Variants in CSNK1G1 observed in about 807,000 individuals in gnomAD.
CSNK1G1 encodes the protein casein kinase 1 gamma 1, also known as casein kinase I isoform gamma-1.
In CSNK1G1, 22 loss-of-function variants were observed where a neutral mutation model predicts 59.6. The ratio of observed to expected loss-of-function variants is 0.37; its 90% CI spans 0.26 to 0.53. CSNK1G1 has a LOEUF of 0.53. Among genes scored for constraint, CSNK1G1 ranks in the 20% least tolerant of loss-of-function variants. The pLI, the probability that CSNK1G1 is intolerant of heterozygous loss-of-function variation, is 0.89. For missense variants in CSNK1G1, 384 were observed against 519.5 expected (o/e 0.74, Z 2.54); for synonymous variants, 179 against 177.1 (o/e 1.01, Z -0.08).
At chr15:64,263,820 A>G (rs7179208) in intron 2 of CSNK1G1, among the ~76,000 whole-genome samples, 1 of 107,980 alleles carries the variant, frequency 9.3e-6, no homozygotes, top group East Asian at 3.1e-4. Context: ...CTTTTTGTTT[A>G]CCAAAAAAAA....
At chr15:64,354,629 G>A (rs1256362727) in intron 1 of CSNK1G1, among the ~76,000 whole-genome samples, 1 of 151,570 alleles carries the variant, frequency 6.6e-6, no homozygotes, top group African/African-American at 2.4e-5. Flanking sequence ...AAAATTATCC[G>A]GTTGCTTTCC....
chr15:64,185,456 T>C (rs949481422), intron 10 of CSNK1G1, among the ~76,000 whole-genome samples: 6 of 152,250 alleles, frequency 3.9e-5, no homozygotes, highest in African/African-American at 1.2e-4. Flanking sequence ...TGTAACTGCC[T>C]GTCCTCTATC....
intron 4 of CSNK1G1, among the ~76,000 whole-genome samples, chr15:64,227,324 C>G (rs917302372): frequency 6.6e-6 from 1 of 152,192 alleles, no homozygotes; most frequent in African/African-American, 2.4e-5. Context: ...TTCAGAGTTG[C>G]AATATTTCTA....
Position 64,259,368 on chromosome 15 carries a change from T to G in CSNK1G1, c.182-127A>C. ...TGCTGTTCACATAAATGAAACTTGA[T>G]TTATAAGCGAAAAGCTACAGAGATA... On this transcript the variant is annotated intron_variant, in intron 2 of 11. Coordinates refer to ENST00000303052, the MANE Select transcript of CSNK1G1 (RefSeq NM_022048.5). 3 of 636,812 alleles carry G rather than the reference T, an allele frequency of 4.7e-6. No individual in the cohort carries two copies. The Admixed American group carries it at 1.0e-4, about 22-fold the overall frequency. 39.4% of individuals were successfully genotyped at this position (636,812 alleles called of 1,614,324 possible).
At position 64,273,056 on chromosome 15, in the gene CSNK1G1, T is replaced by C. The variant is rs145156592; in HGVS notation, c.182-13815A>G. On this transcript the variant is annotated intron_variant, in intron 2 of 11. Transcript: ENST00000303052. ...ACTGTAAAATTAGTTTCTTTATACA[T>C]GGTTTCACTTAAAATCACAGTGTCC... is the stretch of plus-strand genomic sequence containing the variant. Among the ~76,000 whole-genome samples, 722 of 152,334 alleles carry C rather than the reference T, an allele frequency of 4.7e-3. 6 individuals carry two copies. The highest frequency in any genetic ancestry group is 0.016 in the African/African-American group (672 of 41,576).
chr15:64,219,777 C>CA (rs1555500865), intron 4 of CSNK1G1, among the ~76,000 whole-genome samples: 2 of 136,304 alleles, frequency 1.5e-5, no homozygotes, highest in East Asian at 2.1e-4. Context: ...CTTTTCTTTT[C>CA]TTTTTTTTTT....
At position 64,331,629 on chromosome 15, in the gene CSNK1G1, T is replaced by C. The variant is rs941038721; in HGVS notation, c.-225+24359A>G. On this transcript the variant is annotated intron_variant, in intron 1 of 11. Transcript: ENST00000303052. ...GACATAGGCATGGGCAAGGACTTCA[T>C]GTCCAAAACACCAAAAGCAATGGCA... is the stretch of plus-strand genomic sequence containing the variant. 2.4e-5 allele frequency among the ~76,000 whole-genome samples: 3 copies of C among 125,384 alleles called. No homozygotes were observed. In the East Asian group the frequency reaches 7.0e-4, roughly 29 times the overall value. 82.3% of individuals were successfully genotyped at this position (125,384 alleles called of 152,430 possible). A position where few individuals can be genotyped will look rare whatever the true frequency, so the allele number is the denominator to read the frequency against.
chr15:64,256,301 A>T (rs1892368989), intron 3 of CSNK1G1, among the ~76,000 whole-genome samples: 1 of 152,228 alleles, frequency 6.6e-6, no homozygotes, highest in Non-Finnish European at 1.5e-5. Flanking sequence ...TTCCTCAAAT[A>T]TTATACTCTC....
chr15:64,254,886 C>T (rs138585126), intron 3 of CSNK1G1, among the ~76,000 whole-genome samples: 2 of 152,248 alleles, frequency 1.3e-5, no homozygotes, highest in Non-Finnish European at 2.9e-5. Flanking sequence ...TGTCATGAAG[C>T]TTTTCCCATG....
At chr15:64,185,550 A>C (rs2081881004) in intron 10 of CSNK1G1, among the ~76,000 whole-genome samples, 1 of 152,180 alleles carries the variant, frequency 6.6e-6, no homozygotes, top group African/African-American at 2.4e-5. Context: ...AAGACACCTC[A>C]GTTGGATCCA....
chr15:64,317,530 C>T (rs1387383982), intron 1 of CSNK1G1, among the ~76,000 whole-genome samples: 39 of 140,586 alleles, frequency 2.8e-4, no homozygotes, highest in Non-Finnish European at 3.1e-4. Flanking sequence ...TAAGGTTTCT[C>T]TTTTTTTTTT....
At chr15:64,273,436 AAT>A (rs1237858649) in intron 2 of CSNK1G1, among the ~76,000 whole-genome samples, 2 of 152,224 alleles carry the variant, frequency 1.3e-5, no homozygotes, top group Non-Finnish European at 2.9e-5. Flanking sequence ...AAGATGATAG[AAT>A]ATGTGTAAAT....
intron 4 of CSNK1G1, among the ~76,000 whole-genome samples, chr15:64,231,698 C>T (rs1330230858): frequency 6.6e-6 from 1 of 152,058 alleles, no homozygotes; most frequent in Non-Finnish European, 1.5e-5. Flanking sequence ...CAGCCCCATA[C>T]ATGCCACTCT....
intron 1 of CSNK1G1, among the ~76,000 whole-genome samples, chr15:64,326,822 G>A (rs949679684): frequency 6.8e-6 from 1 of 147,312 alleles, no homozygotes; most frequent in African/African-American, 2.7e-5. Context: ...TGCGCGCACC[G>A]TGCGCGAGCC....
intron 1 of CSNK1G1, among the ~76,000 whole-genome samples, chr15:64,309,954 CT>C (rs11459169): frequency 2.0e-4 from 30 of 148,680 alleles, no homozygotes; most frequent in African/African-American, 6.6e-4. Context: ...TACAAACAGA[CT>C]TTTTTTTTTT....
intron 11 of CSNK1G1, among the ~76,000 whole-genome samples, chr15:64,175,126 C>T (rs1381662023): frequency 1.3e-5 from 2 of 151,574 alleles, no homozygotes; most frequent in East Asian, 1.9e-4. Context: ...ACCACAATGT[C>T]GGATTACACA....
At chr15:64,312,642 C>T (rs1305675137) in intron 1 of CSNK1G1, among the ~76,000 whole-genome samples, 2 of 152,076 alleles carry the variant, frequency 1.3e-5, no homozygotes, top group East Asian at 3.8e-4. Flanking sequence ...GACCTAAAGC[C>T]ATAAAAATCC....
In CSNK1G1 at chr15:64,199,582, C is replaced by T. The variant is rs534783678; in HGVS notation, c.1107+3500G>A. Among the ~76,000 whole-genome samples, 726 of 152,226 alleles carry T rather than the reference C, an allele frequency of 4.8e-3. 4 individuals carry two copies. The highest frequency in any genetic ancestry group is 7.7e-3 in the Non-Finnish European group (523 of 68,000). ...ATTTTAAGATAGTCTAGGACGGGCGCGGTGGCTCATGCCTGTAATCCCAGC... is the reference window on the plus strand; with the variant it reads ...ATTTTAAGATAGTCTAGGACGGGCGTGGTGGCTCATGCCTGTAATCCCAGC... On this transcript the variant is annotated intron_variant, in intron 10 of 11. Transcript: ENST00000303052.
At chr15:64,293,921 G>A (rs1894874948) in intron 2 of CSNK1G1, among the ~76,000 whole-genome samples, 1 of 152,136 alleles carries the variant, frequency 6.6e-6, no homozygotes, top group African/African-American at 2.4e-5. Context: ...AAAAGTTGGG[G>A]ACTGCAGGAG....
Sources: allele counts gnomAD v4.1 joint callset (sites outside exome capture counted in the v4.1 genomes callset), GRCh38; gene constraint gnomAD v4.1.1; transcripts MANE v1.5; gene names NCBI Gene and HGNC (gene_info 2026-07-23, HGNC 2026-07-21).